The following GCSAM variants were observed in gnomAD, a reference collection of about 807,000 sequenced individuals.
GCSAM encodes germinal center associated signaling and motility, also known as germinal center-associated signaling and motility protein.
GCSAM carries 8 observed loss-of-function variants against 17.6 expected under a neutral mutation model. The observed-to-expected ratio is 0.46, with a 90% confidence interval of 0.27 to 0.82. GCSAM has a LOEUF of 0.82. Among genes scored for constraint, GCSAM ranks in the 40% least tolerant of loss-of-function variants. The pLI is 0.15. For missense variants in GCSAM, 192 were observed against 213.5 expected (o/e 0.90, Z 0.63); for synonymous variants, 68 against 69.0 (o/e 0.98, Z 0.07).
intron 1 of GCSAM, 101 bp downstream of exon 1, chr3:112,132,991 C>T: frequency 3.3e-6 from 4 of 1,209,970 alleles, no homozygotes; most frequent in East Asian, 2.5e-5. Flanking sequence ...ACTTTCTACC[C>T]CAACTTAGTG....
chr3:112,123,688 A>C lies in GCSAM; in HGVS notation c.304T>G (p.Ser102Ala), dbSNP rs1269430122. The C allele has an allele frequency of 6.2e-7, 1 of 1,614,034 alleles. No homozygotes were observed. The highest frequency in any genetic ancestry group is 8.5e-7 in the Non-Finnish European group (1 of 1,179,998). Reference protein sequence around the residue: ...RVLCTRPSGNSAEEYYENVPC... With the variant: ...RVLCTRPSGNAAEEYYENVPC... Reference sequence around the variant, plus strand: ...ACATTCTCATAGTACTCTTCAGCAGAGTTCCCTGATGGCCTTGTACAGAGA... The same window carrying C: ...ACATTCTCATAGTACTCTTCAGCAGCGTTCCCTGATGGCCTTGTACAGAGA... The change falls in exon 6 of 6, where the codon TCT (serine) becomes GCT (alanine). Residue 102 changes from serine to alanine, a missense_variant. Physicochemically the swap from Ser to Ala is moderately conservative, Grantham distance 99. Transcript: ENST00000308910.
At chr3:112,124,268 A>G (rs2074260759) in intron 5 of GCSAM, among the ~76,000 whole-genome samples, 2 of 152,188 alleles carry the variant, frequency 1.3e-5, no homozygotes, top group South Asian at 2.1e-4. Flanking sequence ...GACACTACCC[A>G]TATAATTCCC....
intron 4 of GCSAM, among the ~76,000 whole-genome samples, chr3:112,126,503 C>T (rs960609933): frequency 5.9e-5 from 9 of 152,260 alleles, no homozygotes; most frequent in East Asian, 3.9e-4. Context: ...TCTGCTCTTC[C>T]GGCTCCTTGC....
chr3:112,123,689 G>A lies in GCSAM; in HGVS notation c.303C>T (p.Asn101=). The change falls in exon 6 of 6, where the codon AAC becomes AAT. Residue 101 remains asparagine, a synonymous_variant. Coordinates refer to ENST00000308910, the MANE Select transcript of GCSAM (RefSeq NM_152785.5). The part of the protein sequence containing the change: ...HRVLCTRPSG[N]SAEEYYENVP... ...CATTCTCATAGTACTCTTCAGCAGA[G>A]TTCCCTGATGGCCTTGTACAGAGAA... The A allele has an allele frequency of 6.2e-7, 1 of 1,614,188 alleles. No individual in the cohort carries two copies. The highest frequency in any genetic ancestry group is 8.5e-7 in the Non-Finnish European group (1 of 1,180,018).
intron 2 of GCSAM, chr3:112,128,507 T>C (rs2074380478): frequency 3.1e-6 from 1 of 317,832 alleles, no homozygotes; most frequent in African/African-American, 2.2e-5. Context: ...CTCACTTGTC[T>C]ATATTCTACA....
intron 1 of GCSAM, 109 bp from the exon 2 acceptor site, chr3:112,130,622 G>A (rs2074430857): frequency 1.1e-6 from 1 of 947,460 alleles, no homozygotes; most frequent in Middle Eastern, 2.1e-4. Flanking sequence ...GTGTAACTCA[G>A]AAATTGACTG....
At chr3:112,130,218 T>C in intron 2 of GCSAM, 1 of 569,136 alleles carries the variant, frequency 1.8e-6, no homozygotes, top group East Asian at 2.9e-5. Flanking sequence ...TAGCAGGGTC[T>C]TAGTTCCTGT....
intron 1 of GCSAM, chr3:112,132,850 T>A: frequency 2.1e-6 from 1 of 482,078 alleles, no homozygotes; most frequent in African/African-American, 2.0e-5. Flanking sequence ...TGGTAAAGTC[T>A]TTCCACCTTT....
At chr3:112,131,183 T>C (rs1396053331) in intron 1 of GCSAM, among the ~76,000 whole-genome samples, 1 of 152,194 alleles carries the variant, frequency 6.6e-6, no homozygotes. Flanking sequence ...ATATTTTTTA[T>C]ACTAATGAGG....
chr3:112,132,820 C>A (rs2074489136), intron 1 of GCSAM: 4 of 379,118 alleles, frequency 1.1e-5, no homozygotes, highest in Non-Finnish European at 1.3e-5. Context: ...TAGGTGGTAA[C>A]CTATTATATA....
At chr3:112,128,312 A>C in intron 2 of GCSAM, 1 of 647,946 alleles carries the variant, frequency 1.5e-6, no homozygotes, top group Non-Finnish European at 2.8e-6. Context: ...ATGTTTCCTC[A>C]CTCTCAATTC....
At chr3:112,126,712 T>C (rs2074328180) in intron 4 of GCSAM, among the ~76,000 whole-genome samples, 1 of 152,176 alleles carries the variant, frequency 6.6e-6, no homozygotes, top group South Asian at 2.1e-4. Context: ...TAAGTGCCTT[T>C]CTCCTCCACC....
Position 112,123,574 on chromosome 3 carries a change from GC to G in GCSAM, c.417del (p.Arg139SerfsTer50). ...TATTCATCTTCTGGGGATCGGGCAT[GC>G]CTGGGGTCTGTAGAAGGCATATGTA... ...SLLHMPSTDPRHARSPEDEYE... is the reference protein window; with the variant it reads ...SLLHMPSTDPXHARSPEDEYE... On this transcript the variant is annotated frameshift_variant, in exon 6 of 6. Transcript: ENST00000308910. LOFTEE classifies it low-confidence loss of function (END_TRUNC). 6.2e-7 allele frequency: 1 copy of G among 1,614,186 alleles called. No individual in the cohort carries two copies. The highest frequency in any genetic ancestry group is 1.1e-5 in the South Asian group (1 of 91,076).
At chr3:112,129,754 G>A (rs1370361804) in intron 2 of GCSAM, 1 of 152,148 alleles carries the variant, frequency 6.6e-6, no homozygotes, top group African/African-American at 2.4e-5. Context: ...GCGGGCATTG[G>A]TGTTAGAAAA....
intron 5 of GCSAM, among the ~76,000 whole-genome samples, chr3:112,124,706 T>C (rs566357626): frequency 6.6e-6 from 1 of 152,308 alleles, no homozygotes; most frequent in East Asian, 1.9e-4. Flanking sequence ...TGTTATTAAA[T>C]AGGGAAGCGA....
rs1339768151 is a variant in GCSAM, at chr3:112,122,368, T to TATA, written c.*1086_*1087insTAT. 1 of 152,210 alleles carries TATA rather than the reference T, an allele frequency of 6.6e-6. No individual in the cohort carries two copies. The highest frequency in any genetic ancestry group is 1.5e-5 in the Non-Finnish European group (1 of 68,032). 9.4% of individuals were successfully genotyped at this position (152,210 alleles called of 1,614,324 possible). A position where few individuals can be genotyped will look rare whatever the true frequency, so the allele number is the denominator to read the frequency against. On this transcript the variant is annotated 3_prime_UTR_variant, in exon 6 of 6. Coordinates refer to ENST00000308910, the MANE Select transcript of GCSAM (RefSeq NM_152785.5). Reference sequence around the variant, plus strand: ...AGTGTGGCTGTGTTCCAACAAATCTTTATCTATAAAAACAGGGAGTGGGCT... The same window carrying TATA: ...AGTGTGGCTGTGTTCCAACAAATCTTATATATCTATAAAAACAGGGAGTGGGCT...
At chr3:112,125,536 A>G (rs1576162867) in intron 4 of GCSAM, among the ~76,000 whole-genome samples, 1 of 152,090 alleles carries the variant, frequency 6.6e-6, no homozygotes, top group African/African-American at 2.4e-5. Context: ...TTCCCTCCTT[A>G]CCTAGCCCCG....
Position 112,133,210 on chromosome 3 carries a change from A to G in GCSAM, c.-90T>C, listed in dbSNP as rs2074501138. 6.9e-7 allele frequency: 1 copy of G among 1,443,316 alleles called. No homozygotes were observed. Among genetic ancestry groups the G allele is most frequent in the African/African-American group, 1.4e-5 (1 of 71,726 alleles). 89.4% of individuals were successfully genotyped at this position (1,443,316 alleles called of 1,614,324 possible). A position where few individuals can be genotyped will look rare whatever the true frequency, so the allele number is the denominator to read the frequency against. ...ACAGGGCAACTCCTGACTTAAAGAA[A>G]GGGCTGTGTGGCTCTGGCCACCCGT... On this transcript the variant is annotated 5_prime_UTR_variant, in exon 1 of 6. Transcript: ENST00000308910.
intron 4 of GCSAM, among the ~76,000 whole-genome samples, chr3:112,126,222 G>T (rs1167978131): frequency 6.6e-6 from 1 of 152,162 alleles, no homozygotes; most frequent in Non-Finnish European, 1.5e-5. Context: ...GTGGGAGGCT[G>T]TATTATTCAT....
Sources: gnomAD v4.1 joint callset for allele counts (sites outside exome capture counted in the v4.1 genomes callset) on GRCh38, gnomAD v4.1.1 for gene constraint, MANE v1.5 for transcripts, NCBI Gene and HGNC (gene_info 2026-07-23, HGNC 2026-07-21) for gene names.